Variants in CLTC observed in about 807,000 individuals in gnomAD.
The protein encoded by CLTC is clathrin heavy chain, also known as clathrin heavy chain 1.
CLTC carries 16 observed loss-of-function variants against 195.8 expected under a neutral mutation model. The ratio of observed to expected loss-of-function variants is 0.08; its 90% CI spans 0.06 to 0.12. The LOEUF (loss-of-function observed/expected upper bound fraction) is 0.12. Ranked by LOEUF, CLTC falls within the 10% of genes least tolerant of loss-of-function variation. CLTC has a pLI of 1.00. For missense variants in CLTC, 796 were observed against 2,027.0 expected (o/e 0.39, Z 11.66); for synonymous variants, 667 against 689.4 (o/e 0.97, Z 0.51).
intron 8 of CLTC, among the ~76,000 whole-genome samples, chr17:59,663,614 C>T (rs2032659479): frequency 6.6e-6 from 1 of 152,096 alleles, no homozygotes; most frequent in Non-Finnish European, 1.5e-5. Flanking sequence ...AGATTGCAGT[C>T]TTGGTGAGCT....
rs773152623 is a variant in CLTC at position 59,681,427 on chromosome 17, A to G, written c.3198A>G (p.Glu1066=). The stretch of plus-strand genomic sequence containing the variant: ...TCGCCATCAGCAATGAGCTGTTTGA[A>G]GAAGCATTTGCCATTTTCCGGAAAT... ...ANIAISNELF[E]EAFAIFRKFD... Residue 1066 remains glutamate, a synonymous_variant, in exon 20 of 32, where the codon GAA becomes GAG. Coordinates refer to ENST00000269122, the MANE Select transcript of CLTC (RefSeq NM_004859.4). The surrounding 1 kb of genome is among the most constrained non-coding windows in gnomAD (Gnocchi z 5.0). 2 of 1,614,140 alleles carry G rather than the reference A, an allele frequency of 1.2e-6. No homozygotes were observed. The highest frequency in any genetic ancestry group is 1.3e-5 in the African/African-American group (1 of 75,034).
chr17:59,686,704 AACAT>A, intron 30 of CLTC, among the ~76,000 whole-genome samples: 1 of 152,242 alleles, frequency 6.6e-6, no homozygotes, highest in African/African-American at 2.4e-5. Flanking sequence ...TAGCTTCTTA[AACAT>A]AATGCCAACT....
In CLTC at chr17:59,681,157, C is replaced by A. The variant is rs1208741239; in HGVS notation, c.3065+100C>A. On this transcript the variant is annotated intron_variant, in intron 19 of 31. Transcript: ENST00000269122. The surrounding 1 kb of genome is among the most constrained non-coding windows in gnomAD (Gnocchi z 5.0). ...GAACAAAAAGATCAGAGAAAGTTGCCTGAATTCTCACTCTTCTAATATCCT... is the reference window on the plus strand; with the variant it reads ...GAACAAAAAGATCAGAGAAAGTTGCATGAATTCTCACTCTTCTAATATCCT... 2 of 1,486,436 alleles carry A rather than the reference C, an allele frequency of 1.3e-6. No individual in the cohort carries two copies. The highest frequency in any genetic ancestry group is 1.8e-6 in the Non-Finnish European group (2 of 1,095,764). 92.1% of individuals were successfully genotyped at this position (1,486,436 alleles called of 1,614,324 possible). A position where few individuals can be genotyped will look rare whatever the true frequency, so the allele number is the denominator to read the frequency against.
At chr17:59,645,801 A>T (rs1035685531) in intron 2 of CLTC, among the ~76,000 whole-genome samples, 10 of 152,114 alleles carry the variant, frequency 6.6e-5, no homozygotes, top group Admixed American at 6.6e-4. Context: ...TTCACATAGG[A>T]CCAGATGTTT....
At chr17:59,657,657 A>G (rs2032503361) in intron 6 of CLTC, among the ~76,000 whole-genome samples, 1 of 151,184 alleles carries the variant, frequency 6.6e-6, no homozygotes, top group South Asian at 2.1e-4. Flanking sequence ...AATGCTAGCT[A>G]CTCGGGAGGC....
chr17:59,693,785 C>A lies in CLTC; in HGVS notation c.4961C>A (p.Pro1654His). ...GPSVAVPPQA[P>H]FGYGYTAPPY... ...AGTGTTGCCGTCCCTCCCCAGGCACCTTTTGGTTATGGTTATACCGCACCA... is the reference window on the plus strand; with the variant it reads ...AGTGTTGCCGTCCCTCCCCAGGCACATTTTGGTTATGGTTATACCGCACCA... Residue 1654 changes from proline to histidine, a missense_variant, in exon 32 of 32, where the codon CCT (proline) becomes CAT (histidine). Coordinates refer to ENST00000269122, the MANE Select transcript of CLTC (RefSeq NM_004859.4). 1 of 1,613,892 alleles carries A rather than the reference C, an allele frequency of 6.2e-7. No individual in the cohort carries two copies.
intron 1 of CLTC, among the ~76,000 whole-genome samples, chr17:59,632,780 A>G (rs552489203): frequency 6.6e-6 from 1 of 152,334 alleles, no homozygotes; most frequent in African/African-American, 2.4e-5. Context: ...TTGAGATGGA[A>G]AGTGTCTTCA....
chr17:59,682,345 C>T lies in CLTC; in HGVS notation c.3517C>T (p.Leu1173=), dbSNP rs768917214. The T allele has an allele frequency of 2.5e-6, 4 of 1,613,984 alleles. No homozygotes were observed. The Admixed American group carries it at 5.0e-5, about 20-fold the overall frequency. Residue 1173 remains leucine, a synonymous_variant, in exon 22 of 32, where the codon CTG becomes TTG. Coordinates refer to ENST00000269122, the MANE Select transcript of CLTC (RefSeq NM_004859.4). This position sits in a 1 kb window ranked among gnomAD's most constrained non-coding sequence, Gnocchi z 6.8. ...KARESYVETE[L]IFALAKTNRL... ...TCGAGAGTCCTATGTGGAGACAGAA[C>T]TGATATTCGCACTGGCTAAAACAAA...
Position 59,647,683 on chromosome 17 carries a change from T to C in CLTC, c.519+17T>C. 1 of 1,603,328 alleles carries C rather than the reference T, an allele frequency of 6.2e-7. No individual in the cohort carries two copies. The highest frequency in any genetic ancestry group is 8.5e-7 in the Non-Finnish European group (1 of 1,171,450). On this transcript the variant is annotated intron_variant, in intron 3 of 31. Transcript: ENST00000269122. ...TCTGCACAGGTAACATTTTAACTATTTTTTTATGAAGAAGAGGTTTAGAAC... is the reference window on the plus strand; with the variant it reads ...TCTGCACAGGTAACATTTTAACTATCTTTTTATGAAGAAGAGGTTTAGAAC...
At position 59,685,724 on chromosome 17, in the gene CLTC, C is replaced by T. The variant is rs1231646989; in HGVS notation, c.4743C>T (p.Val1581=). 9 of 1,613,960 alleles carry T rather than the reference C, an allele frequency of 5.6e-6. No homozygotes were observed. The highest frequency in any genetic ancestry group is 1.6e-4 in the Middle Eastern group (1 of 6,084). ...GTTACGATCTTTTAAGGCCAGATGT[C>T]GTCCTAGAAACTGCATGGAGGCACA... ...FTCYDLLRPD[V]VLETAWRHNI... is the part of the protein sequence containing the mutation. The change falls in exon 30 of 32, where the codon GTC becomes GTT. Residue 1581 remains valine (V), a synonymous_variant. Coordinates refer to ENST00000269122, the MANE Select transcript of CLTC (RefSeq NM_004859.4). This position sits in a 1 kb window ranked among gnomAD's most constrained non-coding sequence, Gnocchi z 5.0.
intron 1 of CLTC, among the ~76,000 whole-genome samples, chr17:59,633,526 T>G (rs896473906): frequency 6.6e-6 from 1 of 152,046 alleles, no homozygotes; most frequent in Non-Finnish European, 1.5e-5. Context: ...AGTGACTCAA[T>G]TGTAAAATAA....
chr17:59,625,314 A>G (rs1211442035), intron 1 of CLTC, among the ~76,000 whole-genome samples: 2 of 151,756 alleles, frequency 1.3e-5, no homozygotes, highest in Non-Finnish European at 1.5e-5. Flanking sequence ...TTTAGTAAAG[A>G]TGGGGTTTCA....
At chr17:59,643,276 A>G (rs2032095144) in intron 1 of CLTC, among the ~76,000 whole-genome samples, 1 of 151,992 alleles carries the variant, frequency 6.6e-6, no homozygotes, top group African/African-American at 2.4e-5. Flanking sequence ...TTTTAGTAGG[A>G]CTTAATCTGT....
At chr17:59,669,950 C>G (rs1445956474) in intron 14 of CLTC, among the ~76,000 whole-genome samples, 1 of 152,068 alleles carries the variant, frequency 6.6e-6, no homozygotes, top group East Asian at 1.9e-4. Flanking sequence ...ATAGCAAAAC[C>G]CTTAGGGGTT....
intron 16 of CLTC, among the ~76,000 whole-genome samples, chr17:59,675,952 A>T (rs1336727837): frequency 6.6e-6 from 1 of 152,210 alleles, no homozygotes; most frequent in Non-Finnish European, 1.5e-5. Flanking sequence ...TCTTCTCCCT[A>T]ATGGGAGGGT....
intron 1 of CLTC, among the ~76,000 whole-genome samples, chr17:59,638,973 C>T (rs891509435): frequency 1.3e-5 from 2 of 152,232 alleles, no homozygotes; most frequent in Admixed American, 1.3e-4. Flanking sequence ...ACATGTAACT[C>T]CAGGGTACTT....
In CLTC at chr17:59,696,935, G is replaced by A. The variant is rs1193499133; in HGVS notation, c.*3083G>A. The stretch of plus-strand genomic sequence containing the variant: ...GGTGAACATGAAACACTGCACAGTA[G>A]GTTGTATCAATGCTATAAAACTCAA... On this transcript the variant is annotated 3_prime_UTR_variant, in exon 32 of 32. Coordinates refer to ENST00000269122, the MANE Select transcript of CLTC (RefSeq NM_004859.4). The A allele has an allele frequency of 5.0e-6, 1 of 198,784 alleles. No individual in the cohort carries two copies. Among genetic ancestry groups the A allele is most frequent in the East Asian group, 8.1e-5 (1 of 12,386 alleles). 12.3% of individuals were successfully genotyped at this position (198,784 alleles called of 1,614,324 possible).
Position 59,682,624 on chromosome 17 carries a change from T to C in CLTC, c.3601-5T>C. The C allele has an allele frequency of 1.2e-6, 2 of 1,613,102 alleles. No homozygotes were observed. The highest frequency in any genetic ancestry group is 1.7e-6 in the Non-Finnish European group (2 of 1,179,280). ...GCTGAATGTGGGTTACCTTTTTTTT[T>C]CCAGGTTGGTGACCGTTGTTATGAT... is the stretch of plus-strand genomic sequence containing the variant. On this transcript the variant is annotated splice_region_variant and splice_polypyrimidine_tract_variant and intron_variant, in intron 22 of 31. Transcript: ENST00000269122. The surrounding 1 kb of genome is among the most constrained non-coding windows in gnomAD (Gnocchi z 6.8).
chr17:59,639,002 A>G (rs1011754330), intron 1 of CLTC, among the ~76,000 whole-genome samples: 3 of 152,210 alleles, frequency 2.0e-5, no homozygotes, highest in African/African-American at 7.2e-5. Context: ...TAAAGAATAA[A>G]TAGGGAATAA....
Sources: gnomAD v4.1 joint callset for allele counts (sites outside exome capture counted in the v4.1 genomes callset) on GRCh38, gnomAD v4.1.1 for gene constraint, Gnocchi (gnomAD v3.1) non-coding constraint, MANE v1.5 for transcripts, NCBI Gene and HGNC (gene_info 2026-07-23, HGNC 2026-07-21) for gene names.